MILR1: variants seen among roughly 807,000 people sequenced by gnomAD.
The protein encoded by MILR1 is allergin-1.
MILR1 carries 31 observed loss-of-function variants against 18.5 expected under a neutral mutation model. The ratio of observed to expected loss-of-function variants is 1.68; its 90% CI spans 1.26 to 2.26. MILR1 has a LOEUF of 2.26. MILR1 is among the 30% of genes most tolerant of loss of function. MILR1 has a pLI of 0.00. For synonymous variants in MILR1, 85 were observed against 56.2 expected, an observed-to-expected ratio of 1.51 and a Z score of -2.30; for missense variants, 257 against 157.4, an observed-to-expected ratio of 1.63 and a Z score of -3.38.
the MILR1 span, among the ~76,000 whole-genome samples, chr17:64,494,353 G>A: frequency 6.6e-6 from 1 of 152,146 alleles, no homozygotes; most frequent in African/African-American, 2.4e-5. Context: ...CACTACTGAA[G>A]ACACCAAATT....
the MILR1 span, among the ~76,000 whole-genome samples, chr17:64,481,915 G>T: frequency 2.0e-5 from 3 of 151,618 alleles, no homozygotes; most frequent in Non-Finnish European, 2.9e-5. Flanking sequence ...AAAGGGGAAA[G>T]AAATAATTCA....
At chr17:64,464,214 C>T (rs1457243719) in intron 5 of MILR1, among the ~76,000 whole-genome samples, 2 of 147,490 alleles carry the variant, frequency 1.4e-5, no homozygotes, top group African/African-American at 2.5e-5. Flanking sequence ...GCCTTGACCT[C>T]CCAGGCCTCC....
chr17:64,455,500 C>CT lies in MILR1; in HGVS notation c.368-1899dup, dbSNP rs2037272442. On this transcript the variant is annotated intron_variant, in intron 3 of 9. Transcript: ENST00000619286. ...GATGGATCTTGCTCTGTCACTCAGGCTGGAGTGCAGTGGCACCATCTCGGC... is the reference window on the plus strand; with the variant it reads ...GATGGATCTTGCTCTGTCACTCAGGCTTGGAGTGCAGTGGCACCATCTCGGC... Among the ~76,000 whole-genome samples, 8 of 152,114 alleles carry CT rather than the reference C, an allele frequency of 5.3e-5. No individual in the cohort carries two copies. The South Asian group carries it at 1.7e-3, about 32-fold the overall frequency.
At chr17:64,485,550 T>G in the MILR1 span, 1 of 626,742 alleles carries the variant, frequency 1.6e-6, no homozygotes. Context: ...TGTTCTATTC[T>G]GTGAGAACCT....
At chr17:64,492,873 A>C in the MILR1 span, 1 of 1,613,796 alleles carries the variant, frequency 6.2e-7, no homozygotes, top group Non-Finnish European at 8.5e-7. Flanking sequence ...TACAAGGCCA[A>C]GTTATTTGCC....
At chr17:64,454,872 G>A (rs989296416) in intron 3 of MILR1, among the ~76,000 whole-genome samples, 4 of 152,032 alleles carry the variant, frequency 2.6e-5, no homozygotes, top group Admixed American at 6.6e-5. Flanking sequence ...GCGTGGTGGC[G>A]TGCCTATAGT....
the MILR1 span, chr17:64,477,990 TA>T: frequency 6.2e-7 from 1 of 1,613,358 alleles, no homozygotes. Context: ...TCATCATACC[TA>T]AGAAAAAAGT....
At chr17:64,479,644 G>A in the MILR1 span, among the ~76,000 whole-genome samples, 2 of 152,166 alleles carry the variant, frequency 1.3e-5, no homozygotes, top group Non-Finnish European at 2.9e-5. Flanking sequence ...CATGGGGTGA[G>A]ACTAGACACA....
intron 2 of MILR1, among the ~76,000 whole-genome samples, chr17:64,452,346 C>T (rs1041293318): frequency 1.4e-4 from 21 of 152,140 alleles, no homozygotes; most frequent in Admixed American, 5.2e-4. Context: ...CTCCGCCTCC[C>T]TAGTTCAAGC....
chr17:64,453,600 G>A (rs981030324), intron 3 of MILR1, among the ~76,000 whole-genome samples: 1 of 119,784 alleles, frequency 8.3e-6, no homozygotes, highest in Admixed American at 1.1e-4. Flanking sequence ...AAAGCCTCAC[G>A]CCTTTCCCAC....
At chr17:64,487,228 G>C in the MILR1 span, 2 of 152,140 alleles carry the variant, frequency 1.3e-5, no homozygotes, top group Admixed American at 1.3e-4. Flanking sequence ...AGATTCACAA[G>C]AATTTGCCCT....
chr17:64,481,199 T>C, the MILR1 span: 1 of 806,252 alleles, frequency 1.2e-6, no homozygotes, highest in African/African-American at 1.9e-5. Context: ...AGCTACAGCA[T>C]CCTAGGAGCT....
At chr17:64,468,706 C>A, downstream of MILR1, 2 of 929,674 alleles carry the variant, frequency 2.2e-6, no homozygotes, top group Non-Finnish European at 2.6e-6. Flanking sequence ...TCTCCATGAT[C>A]TTTTCCACTG....
chr17:64,489,504 T>C, the MILR1 span, among the ~76,000 whole-genome samples: 2 of 151,532 alleles, frequency 1.3e-5, no homozygotes, highest in African/African-American at 4.9e-5. Flanking sequence ...CTCATTCTTA[T>C]AATCCAAGCA....
At chr17:64,493,717 A>ACCTCATGATCTGCCTGC in the MILR1 span, among the ~76,000 whole-genome samples, 1 of 151,988 alleles carries the variant, frequency 6.6e-6, no homozygotes, top group Admixed American at 6.6e-5. Flanking sequence ...CGATCTCCTG[A>ACCTCATGATCTGCCTGC]CCTCATGATC....
chr17:64,450,228 G>A (rs1483004016), intron 2 of MILR1, among the ~76,000 whole-genome samples: 1 of 151,878 alleles, frequency 6.6e-6, no homozygotes, highest in Non-Finnish European at 1.5e-5. Flanking sequence ...GTGAGACACT[G>A]TAATTTATTT....
At chr17:64,492,528 CAAAG>C in the MILR1 span, 1 of 637,816 alleles carries the variant, frequency 1.6e-6, no homozygotes, top group Admixed American at 2.7e-5. Context: ...AAAATTGTTA[CAAAG>C]AGTTTTTGTA....
intron 9 of MILR1, chr17:64,467,935 CAAAAAAAAAA>C (rs112297771): frequency 6.8e-3 from 1,078 of 158,474 alleles, no homozygotes; most frequent in South Asian, 0.023. Context: ...GACTTCATCT[CAAAAAAAAAA>C]AAAAAAAAAA....
intron 2 of MILR1, among the ~76,000 whole-genome samples, chr17:64,449,583 GA>G (rs1483706728): frequency 2.0e-5 from 3 of 152,094 alleles, no homozygotes; most frequent in Non-Finnish European, 4.4e-5. Flanking sequence ...TTTTCACAAT[GA>G]AAGTTTTCTA....
Sources: gnomAD v4.1 joint callset for allele counts (sites outside exome capture counted in the v4.1 genomes callset) on GRCh38, gnomAD v4.1.1 for gene constraint, MANE v1.5 for transcripts, NCBI Gene and HGNC (gene_info 2026-07-23, HGNC 2026-07-21) for gene names.